WNT7A: variants seen among roughly 807,000 people sequenced by gnomAD.
WNT7A encodes Wnt family member 7A, also known as protein Wnt-7a.
WNT7A carries 16 observed loss-of-function variants against 28.2 expected under a neutral mutation model. The observed-to-expected ratio is 0.57, with a 90% CI of 0.38 to 0.86. The LOEUF (loss-of-function observed/expected upper bound fraction) is 0.86, where lower values mean the gene tolerates loss of function less well. WNT7A is among the 40% of genes least tolerant of loss of function. The probability of loss-of-function intolerance (pLI) is 0.00; values close to 1 mark genes in which losing one functional copy is unlikely to be tolerated. For synonymous variants in WNT7A, 190 were observed against 195.9 expected (o/e 0.97, Z 0.25); for missense variants, 411 against 489.7 (o/e 0.84, Z 1.52).
intron 2 of WNT7A, among the ~76,000 whole-genome samples, chr3:13,861,150 A>G (rs1005984388): frequency 4.6e-5 from 7 of 152,182 alleles, no homozygotes; most frequent in African/African-American, 1.4e-4. Context: ...TACTGACTCC[A>G]GGCCTACATT....
chr3:13,879,117 A>T (rs938478576), intron 1 of WNT7A, among the ~76,000 whole-genome samples: 2 of 152,142 alleles, frequency 1.3e-5, no homozygotes, highest in East Asian at 3.9e-4. Context: ...TGGGGGTGGG[A>T]CGTGCTGTCC....
Position 13,819,327 on chromosome 3 carries a change from C to T in WNT7A, c.667G>A (p.Glu223Lys). 1 of 1,613,272 alleles carries T rather than the reference C, an allele frequency of 6.2e-7. No individual in the cohort carries two copies. The highest frequency in any genetic ancestry group is 8.5e-7 in the Non-Finnish European group (1 of 1,179,374). Residue 223 changes from glutamate (E) to lysine (K), a missense_variant, in exon 4 of 4, where the codon GAG becomes AAG. Coordinates refer to ENST00000285018, the MANE Select transcript of WNT7A (RefSeq NM_004625.4). Reference protein sequence around the residue: ...TCWTTLPQFRELGYVLKDKYN... With the variant: ...TCWTTLPQFRKLGYVLKDKYN... ...TTGTCCTTGAGCACGTAGCCCAGCT[C>T]CCGAAACTGTGGCAGTGTGGTCCAG...
intron 2 of WNT7A, among the ~76,000 whole-genome samples, chr3:13,856,922 A>AGAAGAG (rs1694747032): frequency 9.3e-6 from 1 of 107,496 alleles, no homozygotes; most frequent in Non-Finnish European, 1.8e-5. Flanking sequence ...AAGAAGAAGA[A>AGAAGAG]GAAGAAGAAG....
intron 3 of WNT7A, among the ~76,000 whole-genome samples, chr3:13,821,419 C>T (rs1694108251): frequency 6.6e-6 from 1 of 152,188 alleles, no homozygotes. Flanking sequence ...CTTCCATTTC[C>T]AAGACACATA....
intron 3 of WNT7A, among the ~76,000 whole-genome samples, chr3:13,831,482 A>G (rs1415964309): frequency 6.6e-6 from 1 of 152,176 alleles, no homozygotes; most frequent in Non-Finnish European, 1.5e-5. Context: ...TGGGTGGGCT[A>G]GGATGGCCTT....
chr3:13,879,556 C>T (rs1007801585), intron 1 of WNT7A, among the ~76,000 whole-genome samples, 190 bp downstream of exon 1: 1 of 152,190 alleles, frequency 6.6e-6, no homozygotes, highest in African/African-American at 2.4e-5. Flanking sequence ...TGGCCAGTCC[C>T]CCTGCCTATA....
chr3:13,865,746 G>A (rs1385459584), intron 2 of WNT7A, among the ~76,000 whole-genome samples: 1 of 152,192 alleles, frequency 6.6e-6, no homozygotes, highest in East Asian at 1.9e-4. Context: ...CTGCCTGGGG[G>A]CCATACACTT....
chr3:13,849,550 T>A (rs149714272), intron 3 of WNT7A, among the ~76,000 whole-genome samples: 4 of 152,080 alleles, frequency 2.6e-5, no homozygotes, highest in African/African-American at 9.6e-5. Context: ...CTGTTCTAGG[T>A]TTAGGGGTGA....
In WNT7A at chr3:13,816,335, T is replaced by C. The variant is rs1161216008; in HGVS notation, c.*2609A>G. 1 of 152,120 alleles carries C rather than the reference T, an allele frequency of 6.6e-6. No homozygotes were observed. The highest frequency in any genetic ancestry group is 1.5e-5 in the Non-Finnish European group (1 of 68,042). 9.4% of individuals were successfully genotyped at this position (152,120 alleles called of 1,614,324 possible). ...CCTCACAACAGCCCTGTGAGGTAGGTGTTATTCTGATTTCACAGGTGGAGA... is the reference window on the plus strand; with the variant it reads ...CCTCACAACAGCCCTGTGAGGTAGGCGTTATTCTGATTTCACAGGTGGAGA... On this transcript the variant is annotated 3_prime_UTR_variant, in exon 4 of 4. Coordinates refer to ENST00000285018, the MANE Select transcript of WNT7A (RefSeq NM_004625.4).
At chr3:13,837,167 G>A (rs999643703) in intron 3 of WNT7A, among the ~76,000 whole-genome samples, 7 of 152,044 alleles carry the variant, frequency 4.6e-5, no homozygotes, top group South Asian at 2.1e-4. Flanking sequence ...TCTCAGCCCC[G>A]CCAAAACCCT....
intron 2 of WNT7A, among the ~76,000 whole-genome samples, chr3:13,868,690 G>GAAAGAAAGAA (rs1553576785): frequency 5.1e-5 from 1 of 19,752 alleles, no homozygotes; most frequent in African/African-American, 1.9e-4. Flanking sequence ...GAGAGAGAGA[G>GAAAGAAAGAA]AGAAAGAAAG....
At chr3:13,866,523 TAC>T in intron 2 of WNT7A, among the ~76,000 whole-genome samples, 1 of 152,136 alleles carries the variant, frequency 6.6e-6, no homozygotes. Context: ...AAGAAAATGC[TAC>T]ACAGTGAGAG....
intron 3 of WNT7A, among the ~76,000 whole-genome samples, chr3:13,827,613 G>A (rs1424560822): frequency 2.0e-5 from 3 of 152,118 alleles, no homozygotes; most frequent in African/African-American, 7.2e-5. Context: ...GGCTGCCCAG[G>A]GGACCTAGGG....
At chr3:13,869,218 GA>G (rs150129836) in intron 2 of WNT7A, among the ~76,000 whole-genome samples, 26 of 138,956 alleles carry the variant, frequency 1.9e-4, no homozygotes, top group South Asian at 9.3e-4. Context: ...AAGAGAGAAA[GA>G]AAAGAGAGAG....
chr3:13,818,810 A>C lies in WNT7A; in HGVS notation c.*134T>G. 7.4e-7 allele frequency: 1 copy of C among 1,353,444 alleles called. No homozygotes were observed. Among genetic ancestry groups the C allele is most frequent in the Non-Finnish European group, 9.7e-7 (1 of 1,026,530 alleles). The allele number at this position is 1,353,444 out of a possible 1,614,324, so 83.8% of individuals were successfully genotyped here. On this transcript the variant is annotated 3_prime_UTR_variant, in exon 4 of 4. Coordinates refer to ENST00000285018, the MANE Select transcript of WNT7A (RefSeq NM_004625.4). ...TTTTTTTTCCCCCACGGATGCCTGCAGGAAACCCAGGAAAAGTACCCTCCT... is the reference window on the plus strand; with the variant it reads ...TTTTTTTTCCCCCACGGATGCCTGCCGGAAACCCAGGAAAAGTACCCTCCT...
chr3:13,868,834 A>AAGAGAGAGAGAAAGTGAGAG (rs1694974894), intron 2 of WNT7A, among the ~76,000 whole-genome samples: 1 of 53,470 alleles, frequency 1.9e-5, no homozygotes, highest in African/African-American at 6.0e-5. Context: ...GAAAGAGAGA[A>AAGAGAGAGAGAAAGTGAGAG]AGAGAGAGAG....
chr3:13,869,438 GAAAAGA>G (rs1360192162), intron 2 of WNT7A, among the ~76,000 whole-genome samples: 36 of 59,580 alleles, frequency 6.0e-4, no homozygotes, highest in African/African-American at 2.1e-3. Context: ...AAAGAAGAAA[GAAAAGA>G]AAAAGAAAGA....
At chr3:13,849,526 C>A (rs185224158) in intron 3 of WNT7A, among the ~76,000 whole-genome samples, 1 of 152,184 alleles carries the variant, frequency 6.6e-6, no homozygotes, top group African/African-American at 2.4e-5. Context: ...TGAGCACTTA[C>A]GATGCGCCAG....
At chr3:13,846,831 C>G (rs1468615485) in intron 3 of WNT7A, among the ~76,000 whole-genome samples, 2 of 152,186 alleles carry the variant, frequency 1.3e-5, no homozygotes, top group African/African-American at 2.4e-5. Context: ...CCACCTGACT[C>G]CTTCCAGGCC....
Sources: allele counts gnomAD v4.1 joint callset (sites outside exome capture counted in the v4.1 genomes callset), GRCh38; gene constraint gnomAD v4.1.1; transcripts MANE v1.5; gene names NCBI Gene and HGNC (gene_info 2026-07-23, HGNC 2026-07-21).